Variants in RBMS3 observed in about 807,000 individuals in gnomAD.
The protein encoded by RBMS3 is RNA binding motif single stranded interacting protein 3.
Under a neutral mutation model 66.8 loss-of-function variants are expected in RBMS3, and 27 were observed. The ratio of observed to expected loss-of-function variants is 0.40; its 90% CI spans 0.30 to 0.56. The LOEUF is 0.56. RBMS3 is among the 20% of genes least tolerant of loss of function. The pLI, the probability that RBMS3 is intolerant of heterozygous loss-of-function variation, is 0.40. For missense variants in RBMS3, 513 were observed against 549.5 expected (o/e 0.93, Z 0.66); for synonymous variants, 188 against 183.0 (o/e 1.03, Z -0.22).
chr3:29,675,792 G>A (rs1050664429), intron 4 of RBMS3, among the ~76,000 whole-genome samples: 8 of 152,308 alleles, frequency 5.3e-5, no homozygotes, highest in Admixed American at 3.9e-4. Context: ...GTGCTGGAGA[G>A]GATGTGGAGA....
At chr3:29,666,190 T>C (rs2050749387) in intron 4 of RBMS3, among the ~76,000 whole-genome samples, 7 of 152,244 alleles carry the variant, frequency 4.6e-5, no homozygotes. Context: ...TTGACCACCC[T>C]GACCATCCTA....
intron 2 of RBMS3, among the ~76,000 whole-genome samples, chr3:29,442,453 G>A (rs2041663353): frequency 6.6e-6 from 1 of 151,816 alleles, no homozygotes; most frequent in Non-Finnish European, 1.5e-5. Flanking sequence ...ATCTATCTTT[G>A]GAACAGAGAA....
chr3:29,336,467 AAACCATAATC>A (rs534222793), intron 1 of RBMS3, among the ~76,000 whole-genome samples: 271 of 152,240 alleles, frequency 1.8e-3, no homozygotes, highest in Non-Finnish European at 3.4e-3. Flanking sequence ...ATGAAAAAAA[AAACCATAATC>A]AACCTGTGAG....
chr3:29,450,945 CA>C (rs961256799), intron 2 of RBMS3, among the ~76,000 whole-genome samples: 3 of 151,700 alleles, frequency 2.0e-5, no homozygotes, highest in Non-Finnish European at 1.5e-5. Flanking sequence ...CCCACACACA[CA>C]CATGGTGTCT....
At chr3:29,536,956 C>G (rs1242513746) in intron 3 of RBMS3, among the ~76,000 whole-genome samples, 1 of 152,122 alleles carries the variant, frequency 6.6e-6, no homozygotes, top group Non-Finnish European at 1.5e-5. Flanking sequence ...ACTTTACTAC[C>G]AGTAGGTTCT....
intron 1 of RBMS3, among the ~76,000 whole-genome samples, chr3:29,401,507 G>A (rs6549936): frequency 0.81 from 122,833 of 151,986 alleles, 50,086 homozygotes; most frequent in East Asian, 0.96. Flanking sequence ...ACTGGTGCAG[G>A]GCTACAGGAA....
At chr3:29,488,149 C>G (rs1048245083) in intron 2 of RBMS3, among the ~76,000 whole-genome samples, 6 of 152,202 alleles carry the variant, frequency 3.9e-5, no homozygotes, top group Admixed American at 6.5e-5. Context: ...CATGAATCCA[C>G]AGAGTGCGAT....
At chr3:29,471,718 G>T (rs79342884) in intron 2 of RBMS3, among the ~76,000 whole-genome samples, 1,043 of 71,066 alleles carry the variant, frequency 0.015, 33 homozygotes, top group African/African-American at 0.046. Context: ...TGAGGACTTA[G>T]TTTTTTTTTT....
chr3:29,343,753 A>G (rs997342679), intron 1 of RBMS3, among the ~76,000 whole-genome samples: 8 of 152,194 alleles, frequency 5.3e-5, no homozygotes, highest in Non-Finnish European at 1.0e-4. Context: ...ATATGGTGGC[A>G]TAAATTTAAC....
intron 1 of RBMS3, chr3:29,290,786 G>A (rs576237744): frequency 6.6e-6 from 1 of 151,958 alleles, no homozygotes; most frequent in Non-Finnish European, 1.5e-5. Context: ...AGTGGGAATA[G>A]ATGAAAGAAC....
chr3:29,528,534 G>A (rs944751054), intron 3 of RBMS3, among the ~76,000 whole-genome samples: 4 of 152,040 alleles, frequency 2.6e-5, no homozygotes, highest in African/African-American at 9.7e-5. Flanking sequence ...GTCAGATGTT[G>A]GTCACTTAGA....
At chr3:29,421,949 C>A (rs756320142) in intron 1 of RBMS3, among the ~76,000 whole-genome samples, 2 of 152,182 alleles carry the variant, frequency 1.3e-5, no homozygotes, top group Non-Finnish European at 2.9e-5. Flanking sequence ...TTCATGAAAA[C>A]AATCCATATT....
At chr3:29,890,232 G>A (rs771321809) in intron 8 of RBMS3, among the ~76,000 whole-genome samples, 1 of 151,600 alleles carries the variant, frequency 6.6e-6, no homozygotes, top group African/African-American at 2.4e-5. Context: ...CATGTGAGAT[G>A]TCACACAAAT....
chr3:29,451,573 GT>G (rs139289175), intron 2 of RBMS3, among the ~76,000 whole-genome samples: 1 of 151,182 alleles, frequency 6.6e-6, no homozygotes, highest in Non-Finnish European at 1.5e-5. Context: ...GGATTTTGTG[GT>G]TTTTGTTTTT....
intron 1 of RBMS3, among the ~76,000 whole-genome samples, chr3:29,312,622 A>G (rs1342103752): frequency 6.6e-6 from 1 of 150,820 alleles, no homozygotes; most frequent in Non-Finnish European, 1.5e-5. Context: ...GTCTTTGTGT[A>G]TCTATATGTC....
At chr3:29,368,886 C>T (rs1434714370) in intron 1 of RBMS3, among the ~76,000 whole-genome samples, 1 of 152,020 alleles carries the variant, frequency 6.6e-6, no homozygotes, top group African/African-American at 2.4e-5. Flanking sequence ...GCACTATTCA[C>T]AATAGCAAAG....
chr3:29,283,845 G>A (rs1338033178), intron 1 of RBMS3, among the ~76,000 whole-genome samples: 1 of 152,098 alleles, frequency 6.6e-6, no homozygotes, highest in Admixed American at 6.6e-5. Context: ...GACATTAATA[G>A]CATTCCTGGA....
chr3:29,530,796 C>T (rs1053288742), intron 3 of RBMS3, among the ~76,000 whole-genome samples: 1 of 151,218 alleles, frequency 6.6e-6, no homozygotes, highest in Non-Finnish European at 1.5e-5. Flanking sequence ...TGCCTGAACC[C>T]AGGAGGCAGA....
chr3:29,877,538 A>G (rs1220457634), intron 7 of RBMS3, among the ~76,000 whole-genome samples: 1 of 152,198 alleles, frequency 6.6e-6, no homozygotes, highest in Non-Finnish European at 1.5e-5. Context: ...CCCAGATTTT[A>G]CTGTCTTATC....
Sources: allele counts gnomAD v4.1 joint callset (sites outside exome capture counted in the v4.1 genomes callset), GRCh38; gene constraint gnomAD v4.1.1; transcripts MANE v1.5; gene names NCBI Gene and HGNC (gene_info 2026-07-23, HGNC 2026-07-21).